IGSF21: variants seen among roughly 807,000 people sequenced by gnomAD.
IGSF21 encodes immunoglobin superfamily member 21, also known as immunoglobulin superfamily member 21.
IGSF21 carries 28 observed loss-of-function variants against 46.8 expected under a neutral mutation model. That is an observed-to-expected ratio of 0.60 (90% CI 0.44 to 0.82). The LOEUF is 0.82. Ranked by LOEUF, IGSF21 falls within the 40% of genes least tolerant of loss-of-function variation. The pLI, the probability that IGSF21 is intolerant of heterozygous loss-of-function variation, is 0.00. For missense variants in IGSF21, 624 were observed against 665.5 expected (o/e 0.94, Z 0.69); for synonymous variants, 284 against 273.6 (o/e 1.04, Z -0.38).
intron 3 of IGSF21, among the ~76,000 whole-genome samples, chr1:18,304,941 G>C (rs2085397103): frequency 6.6e-6 from 1 of 152,192 alleles, no homozygotes; most frequent in East Asian, 1.9e-4. Context: ...ATTTGCTCCA[G>C]GTGCTTCAAA....
intron 2 of IGSF21, chr1:18,278,901 T>C (rs542253898): frequency 5.3e-5 from 25 of 471,070 alleles, no homozygotes; most frequent in African/African-American, 4.4e-4. Context: ...GGTATATGGG[T>C]GTTTGCCTTA....
intron 3 of IGSF21, among the ~76,000 whole-genome samples, chr1:18,314,298 T>TA (rs1553162863): frequency 4.4e-4 from 67 of 150,968 alleles, no homozygotes; most frequent in Non-Finnish European, 5.6e-4. Context: ...TTTTTTTTTT[T>TA]AAACAAAGAA....
intron 1 of IGSF21, among the ~76,000 whole-genome samples, chr1:18,150,893 C>T (rs576756834): frequency 9.3e-4 from 142 of 152,342 alleles, no homozygotes; most frequent in African/African-American, 3.2e-3. Context: ...GCTGATGGGG[C>T]GGCCCTAGCC....
At chr1:18,189,838 A>T (rs2086937915) in intron 1 of IGSF21, among the ~76,000 whole-genome samples, 1 of 152,310 alleles carries the variant, frequency 6.6e-6, no homozygotes, top group Middle Eastern at 3.4e-3. Context: ...CTAACAGGCC[A>T]TGGGCTGGTA....
intron 1 of IGSF21, chr1:18,115,415 T>C (rs748008432): frequency 1.3e-5 from 2 of 152,232 alleles, no homozygotes; most frequent in Non-Finnish European, 2.9e-5. Flanking sequence ...TGAGCATCTC[T>C]GCACCCTCGG....
At chr1:18,372,624 GGATGGATA>G (rs2086237034) in intron 6 of IGSF21, among the ~76,000 whole-genome samples, 1 of 143,658 alleles carries the variant, frequency 7.0e-6, no homozygotes, top group Admixed American at 6.7e-5. Flanking sequence ...ATGTTTGGAT[GGATGGATA>G]GATGGATGGA....
At chr1:18,186,321 ATC>A (rs1298163057) in intron 1 of IGSF21, among the ~76,000 whole-genome samples, 1 of 152,108 alleles carries the variant, frequency 6.6e-6, no homozygotes, top group African/African-American at 2.4e-5. Context: ...TTGAATCTCA[ATC>A]TCTCTGTCTC....
At chr1:18,130,241 G>T (rs1570250603) in intron 1 of IGSF21, among the ~76,000 whole-genome samples, 1 of 152,168 alleles carries the variant, frequency 6.6e-6, no homozygotes, top group African/African-American at 2.4e-5. Flanking sequence ...GTGACAAGGG[G>T]CTTAGAAGTG....
intron 4 of IGSF21, 101 bp from the exon 5 acceptor site, chr1:18,362,014 C>T: frequency 3.8e-6 from 3 of 780,474 alleles, no homozygotes; most frequent in Admixed American, 4.5e-5. Flanking sequence ...CTCCCCCACC[C>T]CCGGCACCCA....
chr1:18,329,749 C>A (rs530976895), intron 3 of IGSF21, among the ~76,000 whole-genome samples: 2 of 152,268 alleles, frequency 1.3e-5, no homozygotes, highest in African/African-American at 2.4e-5. Context: ...CTCTAGCATC[C>A]GTGTACCCAC....
chr1:18,215,830 A>T (rs11260955), intron 1 of IGSF21, among the ~76,000 whole-genome samples: 1 of 152,124 alleles, frequency 6.6e-6, no homozygotes, highest in Non-Finnish European at 1.5e-5. Context: ...GACATGAGCA[A>T]CCTGGGCTAC....
At chr1:18,206,126 G>A (rs902733386) in intron 1 of IGSF21, among the ~76,000 whole-genome samples, 2 of 152,186 alleles carry the variant, frequency 1.3e-5, no homozygotes, top group East Asian at 1.9e-4. Flanking sequence ...GCAATTTTCA[G>A]GATAGAGAGA....
At chr1:18,245,883 C>T (rs1031019357) in intron 2 of IGSF21, among the ~76,000 whole-genome samples, 4 of 152,214 alleles carry the variant, frequency 2.6e-5, no homozygotes, top group Admixed American at 2.0e-4. Flanking sequence ...CATTAACCCT[C>T]AGGTCAGGCT....
In IGSF21 at chr1:18,334,657, G is replaced by A. The variant is rs2085747972; in HGVS notation, c.306-235G>A. ...CTAAATAACTGCTCCAGGACCCACT[G>A]AGCACAAATTGGGCTCTGGCTGAAC... On this transcript the variant is annotated intron_variant, in intron 3 of 9. Coordinates refer to ENST00000251296, the MANE Select transcript of IGSF21 (RefSeq NM_032880.5). This position sits in a 1 kb window ranked among gnomAD's most constrained non-coding sequence, Gnocchi z 4.3. 6.6e-6 allele frequency among the ~76,000 whole-genome samples: 1 copy of A among 152,196 alleles called. No homozygotes were observed. Among genetic ancestry groups the A allele is most frequent in the Non-Finnish European group, 1.5e-5 (1 of 68,038 alleles).
At chr1:18,306,483 T>C (rs1490088431) in intron 3 of IGSF21, among the ~76,000 whole-genome samples, 1 of 152,178 alleles carries the variant, frequency 6.6e-6, no homozygotes, top group African/African-American at 2.4e-5. Flanking sequence ...GTAAGACTCA[T>C]TTATTTATCT....
intron 1 of IGSF21, among the ~76,000 whole-genome samples, chr1:18,143,998 G>T (rs530991533): frequency 6.9e-4 from 105 of 152,292 alleles, no homozygotes; most frequent in African/African-American, 2.3e-3. Context: ...TCAGATTAAG[G>T]CTTCGTGATG....
intron 3 of IGSF21, among the ~76,000 whole-genome samples, chr1:18,316,410 G>T (rs752835074): frequency 6.6e-6 from 1 of 152,164 alleles, no homozygotes; most frequent in African/African-American, 2.4e-5. Context: ...CCTAACCCTT[G>T]CTTGTGGACT....
At chr1:18,129,606 T>C (rs1406683991) in intron 1 of IGSF21, among the ~76,000 whole-genome samples, 1 of 152,046 alleles carries the variant, frequency 6.6e-6, no homozygotes, top group Non-Finnish European at 1.5e-5. Context: ...GCCAGCACTG[T>C]GGGGCTGGTG....
intron 1 of IGSF21, among the ~76,000 whole-genome samples, chr1:18,134,438 T>C (rs1225453979): frequency 2.6e-5 from 4 of 152,198 alleles, no homozygotes; most frequent in Admixed American, 2.0e-4. Context: ...GGTTCTTCTC[T>C]GTGACCAGCT....
Sources: gnomAD v4.1 joint callset for allele counts (sites outside exome capture counted in the v4.1 genomes callset) on GRCh38, gnomAD v4.1.1 for gene constraint, Gnocchi (gnomAD v3.1) non-coding constraint, MANE v1.5 for transcripts, NCBI Gene and HGNC (gene_info 2026-07-23, HGNC 2026-07-21) for gene names.